Variants in TDRD3 observed in about 807,000 individuals in gnomAD.
TDRD3 encodes tudor domain containing 3.
TDRD3 carries 45 observed loss-of-function variants against 86.7 expected under a neutral mutation model. That is an observed-to-expected ratio of 0.52 (90% confidence interval 0.41 to 0.67). The LOEUF is 0.67. Ranked by LOEUF, TDRD3 falls within the 30% of genes least tolerant of loss-of-function variation. The pLI, the probability that TDRD3 is intolerant of heterozygous loss-of-function variation, is 0.00. For synonymous variants in TDRD3, 298 were observed against 301.7 expected, an observed-to-expected ratio of 0.99 and a Z score of 0.13; for missense variants, 814 against 889.0, an observed-to-expected ratio of 0.92 and a Z score of 1.07.
intron 7 of TDRD3, among the ~76,000 whole-genome samples, chr13:60,491,408 A>G (rs1426184285): frequency 6.6e-6 from 1 of 152,204 alleles, no homozygotes; most frequent in Non-Finnish European, 1.5e-5. Context: ...AAATGAGATC[A>G]CCAAAGGAAT....
chr13:60,479,821 C>T (rs1956272816), intron 5 of TDRD3, among the ~76,000 whole-genome samples: 1 of 152,046 alleles, frequency 6.6e-6, no homozygotes, highest in South Asian at 2.1e-4. Flanking sequence ...AATAGTGACC[C>T]CTGCTCTTTT....
intron 1 of TDRD3, among the ~76,000 whole-genome samples, chr13:60,438,633 C>T (rs1955177540): frequency 1.3e-5 from 2 of 151,950 alleles, no homozygotes; most frequent in Non-Finnish European, 2.9e-5. Context: ...TGCTTTTTTA[C>T]TTTGGAGAAA....
intron 1 of TDRD3, among the ~76,000 whole-genome samples, chr13:60,407,586 G>T (rs1954264624): frequency 6.6e-6 from 1 of 152,100 alleles, no homozygotes; most frequent in Admixed American, 6.5e-5. Context: ...TACACTTAAA[G>T]GTATATGTTT....
At chr13:60,554,472 T>C (rs1246730252) in intron 12 of TDRD3, among the ~76,000 whole-genome samples, 1 of 152,188 alleles carries the variant, frequency 6.6e-6, no homozygotes, top group Non-Finnish European at 1.5e-5. Flanking sequence ...TGTACCTTTC[T>C]CTTTGTCCGG....
intron 12 of TDRD3, among the ~76,000 whole-genome samples, chr13:60,559,680 C>A (rs562906846): frequency 1.3e-5 from 2 of 152,208 alleles, no homozygotes; most frequent in Non-Finnish European, 2.9e-5. Flanking sequence ...TATGTGGAAT[C>A]TAAAATAGTC....
At chr13:60,510,873 T>A in intron 10 of TDRD3, 118 bp downstream of exon 10, 1 of 1,011,210 alleles carries the variant, frequency 9.9e-7, no homozygotes, top group Non-Finnish European at 1.4e-6. Flanking sequence ...GTAAAACAAC[T>A]ATAATATGAA....
At position 60,571,020 on chromosome 13, in the gene TDRD3, C is replaced by A. The variant is rs112866410; in HGVS notation, c.*10-2596C>A. Among the ~76,000 whole-genome samples, 43 of 152,158 alleles carry A rather than the reference C, an allele frequency of 2.8e-4. 1 individual carries two copies. The highest frequency in any genetic ancestry group is 1.0e-3 in the African/African-American group (43 of 41,490). On this transcript the variant is annotated intron_variant, in intron 13 of 13. Transcript: ENST00000377881. Reference sequence around the variant, plus strand: ...TTCCCTGAGTTAAAACTTCCATCGACAAAATGCTTGCTTTGGATTGTACTG... The same window carrying A: ...TTCCCTGAGTTAAAACTTCCATCGAAAAAATGCTTGCTTTGGATTGTACTG...
chr13:60,500,642 G>C (rs1363685802), intron 8 of TDRD3, among the ~76,000 whole-genome samples: 3 of 152,228 alleles, frequency 2.0e-5, no homozygotes, highest in African/African-American at 7.2e-5. Context: ...AGGAGAAATG[G>C]CGAAATGTGC....
At chr13:60,434,207 T>G (rs1955030138) in intron 1 of TDRD3, 1 of 152,174 alleles carries the variant, frequency 6.6e-6, no homozygotes, top group Non-Finnish European at 1.5e-5. Context: ...TGGTGGCTCA[T>G]GCCTGCAATC....
At chr13:60,471,061 A>T (rs1956067452) in intron 5 of TDRD3, among the ~76,000 whole-genome samples, 1 of 152,212 alleles carries the variant, frequency 6.6e-6, no homozygotes, top group Non-Finnish European at 1.5e-5. Flanking sequence ...GATTCTAGAT[A>T]TCAATTCCTA....
intron 11 of TDRD3, among the ~76,000 whole-genome samples, chr13:60,530,972 T>C (rs563301337): frequency 6.6e-6 from 1 of 151,608 alleles, no homozygotes; most frequent in Non-Finnish European, 1.5e-5. Context: ...ATAAGCAGAG[T>C]GTTAGATGTT....
chr13:60,540,376 CTTTA>C (rs1240515625), intron 12 of TDRD3, among the ~76,000 whole-genome samples: 1 of 152,100 alleles, frequency 6.6e-6, no homozygotes, highest in Non-Finnish European at 1.5e-5. Flanking sequence ...TTAGATGGAG[CTTTA>C]TTTATTTCTT....
Position 60,397,414 on chromosome 13 carries a change from C to T in TDRD3, c.41+9C>T. The T allele has an allele frequency of 2.0e-6, 3 of 1,485,832 alleles. No homozygotes were observed. Among genetic ancestry groups the T allele is most frequent in the Non-Finnish European group, 1.8e-6 (2 of 1,119,368 alleles). 92.0% of individuals were successfully genotyped at this position (1,485,832 alleles called of 1,614,324 possible). ...TTGTCCCAGGCGGGTTGGTAAGTGG[C>T]GAGTCCCGCCGGCTGCCGGGCCGCG... On this transcript the variant is annotated intron_variant, in intron 1 of 13. Transcript: ENST00000377881.
At chr13:60,566,756 T>G (rs1319745496) in intron 12 of TDRD3, among the ~76,000 whole-genome samples, 1 of 152,200 alleles carries the variant, frequency 6.6e-6, no homozygotes, top group East Asian at 1.9e-4. Flanking sequence ...TTTGGCTGTA[T>G]TTTGTTGCTT....
intron 12 of TDRD3, among the ~76,000 whole-genome samples, chr13:60,543,240 T>C (rs1037267201): frequency 5.9e-5 from 9 of 152,200 alleles, no homozygotes; most frequent in Non-Finnish European, 1.0e-4. Flanking sequence ...ATCATAAGAA[T>C]ACAAAAGTTA....
chr13:60,457,440 T>C (rs1955703550), intron 3 of TDRD3, among the ~76,000 whole-genome samples: 1 of 152,226 alleles, frequency 6.6e-6, no homozygotes, highest in African/African-American at 2.4e-5. Flanking sequence ...CATGTAGGCT[T>C]GTACACTCAC....
intron 1 of TDRD3, among the ~76,000 whole-genome samples, chr13:60,427,183 A>C (rs1954833624): frequency 6.6e-6 from 1 of 152,200 alleles, no homozygotes; most frequent in Non-Finnish European, 1.5e-5. Flanking sequence ...AATAGCTGTA[A>C]TATCCACTTT....
At chr13:60,532,579 T>A (rs1403177929) in intron 11 of TDRD3, among the ~76,000 whole-genome samples, 1 of 152,226 alleles carries the variant, frequency 6.6e-6, no homozygotes, top group Non-Finnish European at 1.5e-5. Context: ...TCTTCTTAAT[T>A]GCATTGTAAT....
At chr13:60,555,849 T>C (rs1958170371) in intron 12 of TDRD3, among the ~76,000 whole-genome samples, 1 of 107,204 alleles carries the variant, frequency 9.3e-6, no homozygotes, top group Non-Finnish European at 2.0e-5. Context: ...AACCTATTTC[T>C]TTCTTTTTTT....
Sources: gnomAD v4.1 joint callset for allele counts (sites outside exome capture counted in the v4.1 genomes callset) on GRCh38, gnomAD v4.1.1 for gene constraint, MANE v1.5 for transcripts, NCBI Gene and HGNC (gene_info 2026-07-23, HGNC 2026-07-21) for gene names.